Variants in TJP2 observed in about 807,000 individuals in gnomAD.
TJP2 encodes the protein tight junction protein 2.
Under a neutral mutation model 133.1 loss-of-function variants are expected in TJP2, and 91 were observed. The ratio of observed to expected loss-of-function variants is 0.68; its 90% confidence interval spans 0.58 to 0.81. The LOEUF is 0.81. Among genes scored for constraint, TJP2 ranks in the 40% least tolerant of loss-of-function variants. The probability of loss-of-function intolerance (pLI) is 0.00; values close to 1 mark genes in which losing one functional copy is unlikely to be tolerated. For missense variants in TJP2, 1,541 were observed against 1,565.6 expected, an observed-to-expected ratio of 0.98 and a Z score of 0.26; for synonymous variants, 592 against 583.4, an observed-to-expected ratio of 1.01 and a Z score of -0.21.
chr9:69,225,540 A>C (rs1829278060), intron 6 of TJP2, 133 bp downstream of exon 6: 1 of 684,052 alleles, frequency 1.5e-6, no homozygotes, highest in Non-Finnish European at 2.6e-6. Context: ...CAAGAGCAGC[A>C]TAATGAGACG....
intron 1 of TJP2, among the ~76,000 whole-genome samples, chr9:69,174,789 C>T (rs1401182713): frequency 6.6e-6 from 1 of 152,068 alleles, no homozygotes; most frequent in African/African-American, 2.4e-5. Flanking sequence ...CTATTTCAAA[C>T]CACACTCGGT....
intron 1 of TJP2, among the ~76,000 whole-genome samples, chr9:69,182,356 GTTA>G (rs1276075217): frequency 6.6e-6 from 1 of 152,142 alleles, no homozygotes; most frequent in Non-Finnish European, 1.5e-5. Flanking sequence ...TCCTTCTGGT[GTTA>G]TTGTTAAAGC....
chr9:69,181,650 T>C (rs1193965923), intron 1 of TJP2, among the ~76,000 whole-genome samples: 1 of 152,242 alleles, frequency 6.6e-6, no homozygotes, highest in Non-Finnish European at 1.5e-5. Context: ...GTATAAAGCC[T>C]AGAGAACATT....
At chr9:69,159,145 A>G (rs1321783525) in intron 2 of TJP2, among the ~76,000 whole-genome samples, 1 of 151,998 alleles carries the variant, frequency 6.6e-6, no homozygotes, top group African/African-American at 2.4e-5. Context: ...TCTCTACAAA[A>G]AATACCAAAA....
Position 69,252,836 on chromosome 9 carries a change from C to T in TJP2, c.3343C>T (p.Pro1115Ser), listed in dbSNP as rs1211748667. The change falls in exon 22 of 23, where the codon CCT (proline) becomes TCT (serine). Residue 1115 changes from proline (P) to serine (S), a missense_variant. Pro to Ser is a moderately conservative substitution (Grantham distance 74). Transcript: ENST00000377245. Reference protein sequence around the residue: ...NARIEIAQKHPDIYAVPIKTH... With the variant: ...NARIEIAQKHSDIYAVPIKTH... ...ACAGATCGAAATTGCCCAGAAGCATCCTGATATCTATGCAGTTCCAATCAA... is the reference window on the plus strand; with the variant it reads ...ACAGATCGAAATTGCCCAGAAGCATTCTGATATCTATGCAGTTCCAATCAA... 6.2e-7 allele frequency: 1 copy of T among 1,614,026 alleles called. No homozygotes were observed. Among genetic ancestry groups the T allele is most frequent in the African/African-American group, 1.3e-5 (1 of 74,924 alleles).
intron 1 of TJP2, among the ~76,000 whole-genome samples, chr9:69,194,005 C>T (rs1367379905): frequency 6.6e-6 from 1 of 152,102 alleles, no homozygotes; most frequent in Admixed American, 6.5e-5. Context: ...GCAGTTGAAA[C>T]CATAAATTGT....
intron 1 of TJP2, among the ~76,000 whole-genome samples, chr9:69,135,156 T>A (rs1243228271): frequency 6.6e-6 from 1 of 152,124 alleles, no homozygotes; most frequent in Non-Finnish European, 1.5e-5. Context: ...TTTGGGGAGA[T>A]ACAAACACTC....
At position 69,255,098 on chromosome 9, in the gene TJP2, C is replaced by G. The variant is rs1278407205; in HGVS notation, c.*724C>G. ...TCGAAATTTGTTGTTTGTTTAAACC[C>G]AAGTGCTGCACAAAAGCAGATACTT... On this transcript the variant is annotated 3_prime_UTR_variant, in exon 23 of 23. Transcript: ENST00000377245. 2 of 153,408 alleles carry G rather than the reference C, an allele frequency of 1.3e-5. No homozygotes were observed. Among genetic ancestry groups the G allele is most frequent in the East Asian group, 3.8e-4 (2 of 5,228 alleles). 9.5% of individuals were successfully genotyped at this position (153,408 alleles called of 1,614,324 possible). A position where few individuals can be genotyped will look rare whatever the true frequency, so the allele number is the denominator to read the frequency against.
intron 1 of TJP2, among the ~76,000 whole-genome samples, chr9:69,205,490 A>T (rs1225636675): frequency 6.6e-6 from 1 of 152,208 alleles, no homozygotes; most frequent in African/African-American, 2.4e-5. Flanking sequence ...GCTGTTTTCC[A>T]TGTGCTAGGA....
At position 69,216,333 on chromosome 9, in the gene TJP2, G is replaced by T. The variant is rs780834873; in HGVS notation, c.115-6G>T. The T allele has an allele frequency of 6.2e-7, 1 of 1,614,090 alleles. No individual in the cohort carries two copies. The highest frequency in any genetic ancestry group is 1.1e-5 in the South Asian group (1 of 91,070). ...ATTTTTAATATTTCTCCTCTCTGAT[G>T]TACAGGATTCCAAAAGAGGATTTGG... On this transcript the variant is annotated splice_polypyrimidine_tract_variant and splice_region_variant and intron_variant, in intron 2 of 22. Coordinates refer to ENST00000377245, the MANE Select transcript of TJP2 (RefSeq NM_004817.4).
intron 1 of TJP2, among the ~76,000 whole-genome samples, chr9:69,193,986 C>G (rs1826379891): frequency 6.6e-6 from 1 of 152,120 alleles, no homozygotes; most frequent in African/African-American, 2.4e-5. Flanking sequence ...AAATATGTAA[C>G]ATACTTATGC....
At chr9:69,158,100 G>T (rs1041331736) in intron 2 of TJP2, among the ~76,000 whole-genome samples, 4 of 151,658 alleles carry the variant, frequency 2.6e-5, no homozygotes, top group African/African-American at 7.3e-5. Context: ...GATCACCTGA[G>T]GTCAGAGTTC....
intron 1 of TJP2, among the ~76,000 whole-genome samples, chr9:69,208,631 C>T (rs529853838): frequency 9.9e-5 from 15 of 152,108 alleles, no homozygotes; most frequent in Non-Finnish European, 1.9e-4. Flanking sequence ...GTTTTAAATT[C>T]CAAAATAGAA....
intron 17 of TJP2, among the ~76,000 whole-genome samples, chr9:69,241,717 A>T (rs1830586732): frequency 6.6e-6 from 1 of 152,230 alleles, no homozygotes; most frequent in South Asian, 2.1e-4. Context: ...AGCAACAGTA[A>T]AGAGTGGTAC....
At chr9:69,238,336 T>G (rs1179672052) in intron 15 of TJP2, among the ~76,000 whole-genome samples, 1 of 152,248 alleles carries the variant, frequency 6.6e-6, no homozygotes, top group African/African-American at 2.4e-5. Context: ...GTTTTCTTAA[T>G]TGTCCTAGTT....
At chr9:69,206,212 A>G (rs1211234536) in intron 1 of TJP2, among the ~76,000 whole-genome samples, 1 of 152,192 alleles carries the variant, frequency 6.6e-6, no homozygotes, top group African/African-American at 2.4e-5. Flanking sequence ...TGATGAAAGC[A>G]CATTGAAGAT....
At chr9:69,200,914 T>C (rs980631844) in intron 1 of TJP2, among the ~76,000 whole-genome samples, 2 of 152,154 alleles carry the variant, frequency 1.3e-5, no homozygotes, top group Non-Finnish European at 2.9e-5. Flanking sequence ...GAGATGATGA[T>C]ATATATTGAC....
intron 1 of TJP2, among the ~76,000 whole-genome samples, chr9:69,175,222 C>A (rs1009051474): frequency 5.3e-5 from 8 of 152,202 alleles, no homozygotes; most frequent in Non-Finnish European, 8.8e-5. Context: ...GCTTTTCTGG[C>A]AGCTGTCTGG....
Position 69,149,742 on chromosome 9 carries a change from A to G in TJP2, c.-130-1909A>G, listed in dbSNP as rs986870220. ...CCTCCTTGTGGTATTCGAAAGGCAC[A>G]TGCAGGCTTCATAAGAATTTGCAGA... On this transcript the variant is annotated intron_variant, in intron 1 of 5. Transcript: ENST00000423935. Among the ~76,000 whole-genome samples, 3 of 152,252 alleles carry G rather than the reference A, an allele frequency of 2.0e-5. No homozygotes were observed. The East Asian group carries it at 5.8e-4, about 29-fold the overall frequency.
Sources: allele counts gnomAD v4.1 joint callset (sites outside exome capture counted in the v4.1 genomes callset), GRCh38; gene constraint gnomAD v4.1.1; transcripts MANE v1.5; gene names NCBI Gene and HGNC (gene_info 2026-07-23, HGNC 2026-07-21).